Variants in TSPAN9 observed in about 807,000 individuals in gnomAD.
TSPAN9 encodes tetraspanin-9.
In TSPAN9, 16 loss-of-function variants were observed where a neutral mutation model predicts 31.0. That is an observed-to-expected ratio of 0.52 (90% CI 0.35 to 0.78). The LOEUF is 0.78. TSPAN9 is among the 30% of genes least tolerant of loss of function. The probability of loss-of-function intolerance (pLI) is 0.01; values close to 1 mark genes in which losing one functional copy is unlikely to be tolerated. For missense variants in TSPAN9, 272 were observed against 312.5 expected (o/e 0.87, Z 0.98); for synonymous variants, 145 against 121.6 (o/e 1.19, Z -1.27).
chr12:3,157,353 G>A (rs983730656), intron 2 of TSPAN9, among the ~76,000 whole-genome samples: 4 of 151,790 alleles, frequency 2.6e-5, no homozygotes, highest in African/African-American at 7.3e-5. Flanking sequence ...CCCCCACCTC[G>A]GCCTCCCAAA....
intron 2 of TSPAN9, among the ~76,000 whole-genome samples, chr12:3,146,257 G>A (rs1416883603): frequency 6.6e-6 from 1 of 152,224 alleles, no homozygotes; most frequent in African/African-American, 2.4e-5. Flanking sequence ...TGGGATGCGA[G>A]GTCAGGGGAT....
intron 2 of TSPAN9, among the ~76,000 whole-genome samples, chr12:3,120,765 A>C (rs576571): frequency 0.82 from 124,906 of 152,240 alleles, 51,417 homozygotes; most frequent in East Asian, 0.92. Context: ...TCAGTCAGTT[A>C]ATGTTGACCA....
chr12:3,220,396 G>T (rs180783447), intron 3 of TSPAN9, among the ~76,000 whole-genome samples: 9 of 152,208 alleles, frequency 5.9e-5, no homozygotes, highest in Non-Finnish European at 1.3e-4. Context: ...AGGGTTAGGC[G>T]TGGGTCTAGG....
chr12:3,278,037 G>A (rs1012757437), intron 3 of TSPAN9, among the ~76,000 whole-genome samples: 24 of 152,200 alleles, frequency 1.6e-4, no homozygotes, highest in Admixed American at 1.3e-4. Flanking sequence ...CTCTCACCAG[G>A]CCTCCGTCTT....
intron 3 of TSPAN9, among the ~76,000 whole-genome samples, chr12:3,228,591 G>C (rs1234382798): frequency 6.6e-6 from 1 of 152,240 alleles, no homozygotes; most frequent in Non-Finnish European, 1.5e-5. Context: ...AGAAGTGAGT[G>C]CTCCTAGCTC....
chr12:3,141,691 C>T (rs1488826462), intron 2 of TSPAN9, among the ~76,000 whole-genome samples: 1 of 152,192 alleles, frequency 6.6e-6, no homozygotes, highest in African/African-American at 2.4e-5. Context: ...CTGGGCTGCG[C>T]GGCCTCTGTG....
rs12316077 is a variant in TSPAN9, at chr12:3,211,544, G to C, written c.63+10288G>C. 1.7e-3 allele frequency: 1,335 copies of C among 787,858 alleles called. 17 individuals carry two copies. In the African/African-American group the frequency reaches 0.021, roughly 13 times the overall value. The allele number at this position is 787,858 out of a possible 1,614,324, so 48.8% of individuals were successfully genotyped here. On this transcript the variant is annotated intron_variant, in intron 3 of 8. Transcript: ENST00000011898. Reference sequence around the variant, plus strand: ...TTCCCCCAAACCCTTTTGATATTTTGGTTGACCTTTCATTGAATTCATTCA... The same window carrying C: ...TTCCCCCAAACCCTTTTGATATTTTCGTTGACCTTTCATTGAATTCATTCA...
At chr12:3,245,390 C>T (rs987641796) in intron 3 of TSPAN9, among the ~76,000 whole-genome samples, 11 of 152,188 alleles carry the variant, frequency 7.2e-5, no homozygotes, top group Admixed American at 2.6e-4. Flanking sequence ...TGACTCTTGC[C>T]GAGGGAGAGA....
chr12:3,236,504 C>T (rs2098393795), intron 3 of TSPAN9, among the ~76,000 whole-genome samples: 4 of 152,146 alleles, frequency 2.6e-5, no homozygotes, highest in South Asian at 2.1e-4. Flanking sequence ...CTCTGAGGCC[C>T]GTGCCCTTCG....
intron 2 of TSPAN9, among the ~76,000 whole-genome samples, chr12:3,178,479 T>G (rs969566843): frequency 6.6e-6 from 1 of 152,034 alleles, no homozygotes; most frequent in African/African-American, 2.4e-5. Flanking sequence ...TTAGTAGAGA[T>G]GTGTTTTCAC....
intron 2 of TSPAN9, among the ~76,000 whole-genome samples, chr12:3,109,798 CAAAAAAA>C (rs147799673): frequency 1.1e-5 from 1 of 91,946 alleles, no homozygotes; most frequent in Non-Finnish European, 2.4e-5. Flanking sequence ...AACTCTGTCT[CAAAAAAA>C]AAAAAAAAAA....
intron 2 of TSPAN9, among the ~76,000 whole-genome samples, chr12:3,155,384 T>G (rs1252983357): frequency 6.6e-6 from 1 of 152,216 alleles, no homozygotes; most frequent in Non-Finnish European, 1.5e-5. Context: ...GATCGTGTTC[T>G]GAGCTTTTAG....
At chr12:3,249,934 A>T (rs1862216976) in intron 3 of TSPAN9, among the ~76,000 whole-genome samples, 1 of 152,204 alleles carries the variant, frequency 6.6e-6, no homozygotes, top group Non-Finnish European at 1.5e-5. Flanking sequence ...GTGCTGGCTT[A>T]AAGGATTTCA....
intron 3 of TSPAN9, among the ~76,000 whole-genome samples, chr12:3,242,640 T>C (rs76411712): frequency 0.012 from 1,773 of 152,300 alleles, 41 homozygotes; most frequent in Admixed American, 0.049. Flanking sequence ...GTGTGGAGGA[T>C]GTAATGGACA....
chr12:3,230,455 G>T (rs2098390099), intron 3 of TSPAN9, among the ~76,000 whole-genome samples: 1 of 152,070 alleles, frequency 6.6e-6, no homozygotes, highest in African/African-American at 2.4e-5. Flanking sequence ...CCACCACCAA[G>T]AAGGTAGTGT....
chr12:3,270,981 A>T (rs1862667023), intron 3 of TSPAN9, among the ~76,000 whole-genome samples: 1 of 152,246 alleles, frequency 6.6e-6, no homozygotes. Flanking sequence ...GATGCCCCTT[A>T]AGTTTGGCCG....
At chr12:3,116,330 T>C (rs1461512237) in intron 2 of TSPAN9, among the ~76,000 whole-genome samples, 1 of 152,200 alleles carries the variant, frequency 6.6e-6, no homozygotes, top group East Asian at 1.9e-4. Flanking sequence ...GAATCCTCTC[T>C]GAGTCACAGT....
chr12:3,230,682 G>A (rs1374939561), intron 3 of TSPAN9, among the ~76,000 whole-genome samples: 3 of 152,080 alleles, frequency 2.0e-5, no homozygotes, highest in Admixed American at 2.0e-4. Flanking sequence ...CACTGCTCTG[G>A]GAACTGAGGG....
intron 2 of TSPAN9, among the ~76,000 whole-genome samples, chr12:3,090,207 C>T (rs2098303516): frequency 7.2e-6 from 1 of 138,304 alleles, no homozygotes; most frequent in Non-Finnish European, 1.5e-5. Flanking sequence ...TCAGAACAAC[C>T]TTATTCTTTT....
Sources: allele counts gnomAD v4.1 joint callset (sites outside exome capture counted in the v4.1 genomes callset), GRCh38; gene constraint gnomAD v4.1.1; transcripts MANE v1.5; gene names NCBI Gene and HGNC (gene_info 2026-07-23, HGNC 2026-07-21).